Variants in ST6GALNAC1 observed in about 807,000 individuals in gnomAD.
ST6GALNAC1 encodes the protein alpha-N-acetylgalactosaminide alpha-2,6-sialyltransferase 1.
ST6GALNAC1 carries 45 observed loss-of-function variants against 56.8 expected under a neutral mutation model. The observed-to-expected ratio is 0.79, with a 90% CI of 0.62 to 1.02. The LOEUF is 1.02. Ranked by LOEUF, ST6GALNAC1 falls within the 50% of genes least tolerant of loss-of-function variation. The pLI, the probability that ST6GALNAC1 is intolerant of heterozygous loss-of-function variation, is 0.00. For synonymous variants in ST6GALNAC1, 295 were observed against 297.8 expected (o/e 0.99, Z 0.10); for missense variants, 743 against 754.8 (o/e 0.98, Z 0.18).
At chr17:76,631,063 CTCTGTG>C (rs750359526) in intron 1 of ST6GALNAC1, among the ~76,000 whole-genome samples, 2 of 74,398 alleles carry the variant, frequency 2.7e-5, no homozygotes, top group Admixed American at 1.6e-4. Flanking sequence ...CCCAGCTAAT[CTCTGTG>C]TGTGTGTGTG....
chr17:76,627,988 T>G lies in ST6GALNAC1; in HGVS notation c.832-405A>C, dbSNP rs966160143. On this transcript the variant is annotated intron_variant, in intron 2 of 8. Coordinates refer to ENST00000156626, the MANE Select transcript of ST6GALNAC1 (RefSeq NM_018414.5). The surrounding 1 kb of genome is among the most constrained non-coding windows in gnomAD (Gnocchi z 4.4). ...GGCGGGCGCCTGTAGTTCCAGCTACTCGGGAGGCTGAGGCAGGAGAATGGC... is the reference window on the plus strand; with the variant it reads ...GGCGGGCGCCTGTAGTTCCAGCTACGCGGGAGGCTGAGGCAGGAGAATGGC... 6.6e-6 allele frequency among the ~76,000 whole-genome samples: 1 copy of G among 151,080 alleles called. No individual in the cohort carries two copies. Among genetic ancestry groups the G allele is most frequent in the Non-Finnish European group, 1.5e-5 (1 of 67,884 alleles).
chr17:76,632,462 G>A (rs1279126375), intron 1 of ST6GALNAC1, among the ~76,000 whole-genome samples: 2 of 152,094 alleles, frequency 1.3e-5, no homozygotes, highest in African/African-American at 4.8e-5. Flanking sequence ...CTAGCAGCAG[G>A]AATGGCGCAG....
chr17:76,633,815 C>T (rs1338061749), intron 1 of ST6GALNAC1: 1 of 152,046 alleles, frequency 6.6e-6, no homozygotes. Flanking sequence ...CCAAGGGGAA[C>T]CTGGAAGTGA....
At chr17:76,634,860 A>AGT (rs2075957305) in intron 1 of ST6GALNAC1, among the ~76,000 whole-genome samples, 1 of 152,122 alleles carries the variant, frequency 6.6e-6, no homozygotes, top group East Asian at 1.9e-4. Flanking sequence ...CTCCAGCCTG[A>AGT]GTGATACAGC....
At chr17:76,637,632 G>A (rs2143478281) in intron 1 of ST6GALNAC1, 1 of 398,872 alleles carries the variant, frequency 2.5e-6, no homozygotes, top group East Asian at 3.6e-5. Flanking sequence ...AGAGCCAAGG[G>A]GCAGGAACAA....
downstream of ST6GALNAC1, among the ~76,000 whole-genome samples, chr17:76,624,432 T>C (rs1243039243): frequency 6.6e-6 from 1 of 152,038 alleles, no homozygotes; most frequent in Admixed American, 6.6e-5. Context: ...GTATTTTTAG[T>C]AGAGACGGGG....
At chr17:76,640,154 T>G (rs2076031054) in intron 1 of ST6GALNAC1, among the ~76,000 whole-genome samples, 1 of 151,890 alleles carries the variant, frequency 6.6e-6, no homozygotes, top group South Asian at 2.1e-4. Context: ...TGTTCTGGAG[T>G]GAGTGTCCCA....
chr17:76,630,888 AT>A (rs939007475), intron 1 of ST6GALNAC1, among the ~76,000 whole-genome samples: 6,483 of 123,282 alleles, frequency 0.053, 188 homozygotes, highest in South Asian at 0.14. Context: ...ACCGCGCCCA[AT>A]TTTTTTTTTT....
downstream of ST6GALNAC1, among the ~76,000 whole-genome samples, chr17:76,621,782 G>A (rs1181212389): frequency 1.3e-5 from 2 of 152,086 alleles, no homozygotes. Context: ...GCCCAATCCA[G>A]CTGTTTCTGT....
Position 76,629,435 on chromosome 17 carries a change from T to G in ST6GALNAC1, c.408A>C (p.Thr136=). ...SPEKEKTMVN[T]LSPRGQDAGM... is the part of the protein sequence containing the mutation. Reference sequence around the variant, plus strand: ...CTGCATCTTGCCCTCTGGGTGACAGTGTGTTCACCATGGTTTTCTCTTTTT... The same window carrying G: ...CTGCATCTTGCCCTCTGGGTGACAGGGTGTTCACCATGGTTTTCTCTTTTT... The change falls in exon 2 of 9, where the codon ACA becomes ACC. Residue 136 remains threonine, a synonymous_variant. Transcript: ENST00000156626. 1 of 1,614,130 alleles carries G rather than the reference T, an allele frequency of 6.2e-7. No homozygotes were observed. The highest frequency in any genetic ancestry group is 8.5e-7 in the Non-Finnish European group (1 of 1,180,022).
At chr17:76,628,986 G>A (rs1247350702) in intron 2 of ST6GALNAC1, 26 bp downstream of exon 2, 2 of 1,518,652 alleles carry the variant, frequency 1.3e-6, no homozygotes, top group African/African-American at 1.4e-5. Context: ...GGGAGCCAGA[G>A]GGAAGGCGTG....
Position 76,643,676 on chromosome 17 carries a change from C to G in ST6GALNAC1, c.-38G>C. The stretch of plus-strand genomic sequence containing the variant: ...GGTTCTAGAGGAAGGTTCTGCATGT[C>G]CTGGGGCCTTGATGTAGGCAGCTGG... On this transcript the variant is annotated 5_prime_UTR_variant, in exon 1 of 9. Transcript: ENST00000156626. The G allele has an allele frequency of 6.2e-7, 1 of 1,607,370 alleles. No individual in the cohort carries two copies. The highest frequency in any genetic ancestry group is 8.5e-7 in the Non-Finnish European group (1 of 1,176,300).
At chr17:76,624,108 T>C (rs948537364), downstream of ST6GALNAC1, among the ~76,000 whole-genome samples, 6 of 152,208 alleles carry the variant, frequency 3.9e-5, no homozygotes, top group Non-Finnish European at 5.9e-5. Context: ...ACCCTTTTAG[T>C]GCAAAGCAAA....
chr17:76,640,176 G>A (rs561540088), intron 1 of ST6GALNAC1, among the ~76,000 whole-genome samples: 4 of 152,228 alleles, frequency 2.6e-5, no homozygotes, highest in African/African-American at 9.6e-5. Flanking sequence ...TATTGCTCCG[G>A]CAGGTAACTG....
the ST6GALNAC1 span, among the ~76,000 whole-genome samples, chr17:76,617,904 C>T: frequency 6.6e-6 from 1 of 152,142 alleles, no homozygotes; most frequent in African/African-American, 2.4e-5. Context: ...ATGTTGTGCT[C>T]ATTCTGGTTA....
In ST6GALNAC1 at chr17:76,627,600, G is replaced by T. The variant is rs752759631; in HGVS notation, c.832-17C>A. Reference sequence around the variant, plus strand: ...AGGGCAAGTCTATATACAGGAGGACGAAGTCAGGAAGGGAGAGACCCAGAA... The same window carrying T: ...AGGGCAAGTCTATATACAGGAGGACTAAGTCAGGAAGGGAGAGACCCAGAA... On this transcript the variant is annotated splice_polypyrimidine_tract_variant and intron_variant, in intron 2 of 8. Transcript: ENST00000156626. The surrounding 1 kb of genome is among the most constrained non-coding windows in gnomAD (Gnocchi z 4.4). 4 of 1,611,606 alleles carry T rather than the reference G, an allele frequency of 2.5e-6. No homozygotes were observed. The highest frequency in any genetic ancestry group is 1.1e-5 in the South Asian group (1 of 90,832).
the ST6GALNAC1 span, among the ~76,000 whole-genome samples, chr17:76,619,507 T>G: frequency 6.6e-6 from 1 of 152,144 alleles, no homozygotes; most frequent in Non-Finnish European, 1.5e-5. Context: ...AATTGTAACT[T>G]TTTTTGACAA....
At chr17:76,638,383 TA>T (rs1685589809) in intron 1 of ST6GALNAC1, among the ~76,000 whole-genome samples, 1 of 152,028 alleles carries the variant, frequency 6.6e-6, no homozygotes, top group East Asian at 1.9e-4. Context: ...TTGTATTTTT[TA>T]TTTTTTTTTT....
rs147456743 is a variant in ST6GALNAC1, at chr17:76,629,496, G to A, written c.347C>T (p.Pro116Leu). The A allele has an allele frequency of 1.2e-6, 2 of 1,613,808 alleles. No individual in the cohort carries two copies. The highest frequency in any genetic ancestry group is 1.3e-5 in the African/African-American group (1 of 74,828). ...QAPPEEQDKV[P>L]HTAQRAAWKS... is the part of the protein sequence containing the mutation. Reference sequence around the variant, plus strand: ...CCATGCTGCCCTCTGTGCTGTGTGGGGCACCTTGTCCTGCTCCTCCGGCGG... The same window carrying A: ...CCATGCTGCCCTCTGTGCTGTGTGGAGCACCTTGTCCTGCTCCTCCGGCGG... The change falls in exon 2 of 9, where the codon CCC (proline) becomes CTC (leucine). Residue 116 changes from proline (P) to leucine (L), a missense_variant. Transcript: ENST00000156626.
Sources: allele counts gnomAD v4.1 joint callset (sites outside exome capture counted in the v4.1 genomes callset), GRCh38; gene constraint gnomAD v4.1.1; non-coding constraint Gnocchi (gnomAD v3.1); transcripts MANE v1.5; gene names NCBI Gene and HGNC (gene_info 2026-07-23, HGNC 2026-07-21).